The following ADAM12 variants were observed in gnomAD, a reference collection of about 807,000 sequenced individuals.
ADAM12 encodes disintegrin and metalloproteinase domain-containing protein 12.
ADAM12 carries 70 observed loss-of-function variants against 106.4 expected under a neutral mutation model. That is an observed-to-expected ratio of 0.66 (90% CI 0.54 to 0.80). The LOEUF (loss-of-function observed/expected upper bound fraction) is 0.80. Among genes scored for constraint, ADAM12 ranks in the 30% least tolerant of loss-of-function variants. ADAM12 has a pLI of 0.00. For missense variants in ADAM12, 1,010 were observed against 1,171.9 expected, an observed-to-expected ratio of 0.86 and a Z score of 2.02; for synonymous variants, 420 against 433.5, an observed-to-expected ratio of 0.97 and a Z score of 0.39.
intron 2 of ADAM12, among the ~76,000 whole-genome samples, chr10:126,306,060 T>C (rs1960832336): frequency 6.6e-6 from 1 of 152,036 alleles, no homozygotes; most frequent in South Asian, 2.1e-4. Context: ...CTGATAATCC[T>C]TGTTTTTTAA....
intron 1 of ADAM12, among the ~76,000 whole-genome samples, chr10:126,360,945 G>A (rs1220825135): frequency 6.6e-6 from 1 of 152,224 alleles, no homozygotes; most frequent in Non-Finnish European, 1.5e-5. Context: ...CATGGTGGAA[G>A]GCAAGGAAGA....
intron 3 of ADAM12, among the ~76,000 whole-genome samples, chr10:126,233,405 G>A (rs144953293): frequency 1.3e-5 from 2 of 152,160 alleles, no homozygotes; most frequent in African/African-American, 2.4e-5. Flanking sequence ...AGGTCCTGCT[G>A]GGGGAGGAGG....
intron 11 of ADAM12, among the ~76,000 whole-genome samples, chr10:126,077,154 T>C (rs548088634): frequency 2.0e-5 from 3 of 152,116 alleles, no homozygotes; most frequent in Non-Finnish European, 2.9e-5. Flanking sequence ...CCATTTGCAA[T>C]AGTCACACAG....
intron 3 of ADAM12, among the ~76,000 whole-genome samples, chr10:126,166,737 T>C (rs902175243): frequency 2.0e-5 from 3 of 152,184 alleles, no homozygotes; most frequent in Middle Eastern, 3.4e-3. Flanking sequence ...GACCTTGTGA[T>C]CCGCCCGCCT....
chr10:126,156,174 C>A (rs555477503), intron 3 of ADAM12, among the ~76,000 whole-genome samples: 1 of 152,146 alleles, frequency 6.6e-6, no homozygotes, highest in Non-Finnish European at 1.5e-5. Flanking sequence ...GATGACACCA[C>A]GAGCTGGTAG....
chr10:126,066,800 T>C lies in ADAM12; in HGVS notation c.1330A>G (p.Met444Val), dbSNP rs1349264848. Reference sequence around the variant, plus strand: ...GTGGTGGCATTGCAGCAGCGATTCATACATTCCTGGAAAGGGGAATGGCAT... The same window carrying C: ...GTGGTGGCATTGCAGCAGCGATTCACACATTCCTGGAAAGGGGAATGGCAT... ...ECDCGEPEEC[M>V]NRCCNATTCT... Residue 444 changes from methionine to valine, a missense_variant, in exon 13 of 23, where the codon ATG (methionine) becomes GTG (valine). Met to Val is a conservative substitution (Grantham distance 21). Around this residue, in one of 3 missense-constraint regions of ADAM12, gnomAD observed 615 missense variants for 708.5 expected, o/e 0.87. Coordinates refer to ENST00000448723, the MANE Select transcript of ADAM12 (RefSeq NM_001288973.2). This position sits in a 1 kb window ranked among gnomAD's most constrained non-coding sequence, Gnocchi z 5.1. 6.2e-7 allele frequency: 1 copy of C among 1,613,974 alleles called. No homozygotes were observed. Among genetic ancestry groups the C allele is most frequent in the South Asian group, 1.1e-5 (1 of 91,072 alleles).
At chr10:126,231,351 G>C (rs1958306172) in intron 3 of ADAM12, among the ~76,000 whole-genome samples, 1 of 151,162 alleles carries the variant, frequency 6.6e-6, no homozygotes. Flanking sequence ...TGAAATCTTA[G>C]GAGGGAGGAA....
chr10:126,118,091 T>A lies in ADAM12; in HGVS notation c.550A>T (p.Asn184Tyr). ...GSCGSHHNTP[N>Y]LAAKNVFPPP... ...GGAAACACATTCTTTGCAGCGAGGT[T>A]TGGTGTGTTGTGATGTGATCCACAT... Residue 184 changes from asparagine to tyrosine, a missense_variant, in exon 6 of 23, where the codon AAC becomes TAC. Physicochemically the swap from Asn to Tyr is moderately radical, Grantham distance 143. This residue lies in a region of ADAM12 where 391 missense variants were observed against 442.9 expected (regional missense o/e 0.88). Coordinates refer to ENST00000448723, the MANE Select transcript of ADAM12 (RefSeq NM_001288973.2). The A allele has an allele frequency of 6.2e-7, 1 of 1,614,156 alleles. No individual in the cohort carries two copies. Among genetic ancestry groups the A allele is most frequent in the Non-Finnish European group, 8.5e-7 (1 of 1,180,000 alleles).
At chr10:126,085,031 T>C (rs1236069407) in intron 11 of ADAM12, among the ~76,000 whole-genome samples, 1 of 152,250 alleles carries the variant, frequency 6.6e-6, no homozygotes. Context: ...TGCTCACAAC[T>C]GCTTTTAGAT....
intron 1 of ADAM12, among the ~76,000 whole-genome samples, chr10:126,339,439 T>C (rs1854839937): frequency 6.6e-6 from 1 of 152,214 alleles, no homozygotes; most frequent in Non-Finnish European, 1.5e-5. Flanking sequence ...ACTGACTTCT[T>C]TGGCAGAGTC....
rs1207638165 is a variant in ADAM12 at position 126,064,230 on chromosome 10, A to G, written c.1609+576T>C. Among the ~76,000 whole-genome samples, 1 of 152,128 alleles carries G rather than the reference A, an allele frequency of 6.6e-6. No individual in the cohort carries two copies. On this transcript the variant is annotated intron_variant, in intron 14 of 22. Transcript: ENST00000448723. This position sits in a 1 kb window ranked among gnomAD's most constrained non-coding sequence, Gnocchi z 4.4. ...CCACTTTCCCATTTGAGAGCCACTCACTGCTGCTCTCAGGCCTTCTGATTA... is the reference window on the plus strand; with the variant it reads ...CCACTTTCCCATTTGAGAGCCACTCGCTGCTGCTCTCAGGCCTTCTGATTA...
chr10:126,106,775 C>T (rs1321643462), intron 8 of ADAM12, among the ~76,000 whole-genome samples: 3 of 152,242 alleles, frequency 2.0e-5, no homozygotes, highest in Admixed American at 6.5e-5. Context: ...TAAGCCACCG[C>T]GCCCGCTCAG....
intron 3 of ADAM12, among the ~76,000 whole-genome samples, chr10:126,194,326 C>CT (rs1957559573): frequency 6.6e-6 from 1 of 150,404 alleles, no homozygotes; most frequent in African/African-American, 2.4e-5. Flanking sequence ...GTCAGCCCAC[C>CT]TGTGTGCAGA....
chr10:126,191,025 A>G (rs1432492231), intron 3 of ADAM12, among the ~76,000 whole-genome samples: 1 of 119,466 alleles, frequency 8.4e-6, no homozygotes, highest in Non-Finnish European at 1.7e-5. Context: ...TTTTTCAGAC[A>G]GAGTCTTGCT....
chr10:126,155,362 G>A (rs1956796328), intron 3 of ADAM12, 57 bp from the exon 4 acceptor site: 11 of 1,465,706 alleles, frequency 7.5e-6, no homozygotes, highest in East Asian at 2.3e-5. Flanking sequence ...TTGATACATT[G>A]TTGTGAATGT....
At chr10:126,275,367 C>G (rs1287615727) in intron 3 of ADAM12, among the ~76,000 whole-genome samples, 1 of 152,188 alleles carries the variant, frequency 6.6e-6, no homozygotes, top group Non-Finnish European at 1.5e-5. Flanking sequence ...CAAAATGCTT[C>G]TCAGGGGCTA....
intron 2 of ADAM12, among the ~76,000 whole-genome samples, chr10:126,303,688 G>A (rs1010152014): frequency 2.6e-5 from 4 of 152,218 alleles, no homozygotes; most frequent in Admixed American, 1.3e-4. Context: ...TCCTGGCCTA[G>A]CCACAGAGCA....
chr10:126,143,560 TG>T (rs1956564778), intron 4 of ADAM12, among the ~76,000 whole-genome samples: 1 of 137,272 alleles, frequency 7.3e-6, no homozygotes, highest in South Asian at 2.6e-4. Context: ...CGCATGTATA[TG>T]TGGGCACATG....
intron 3 of ADAM12, among the ~76,000 whole-genome samples, chr10:126,264,969 A>C (rs887606412): frequency 1.3e-5 from 2 of 152,232 alleles, no homozygotes; most frequent in African/African-American, 2.4e-5. Flanking sequence ...CCTTTTATCC[A>C]GCACTCTAAA....
Sources: allele counts gnomAD v4.1 joint callset (sites outside exome capture counted in the v4.1 genomes callset), GRCh38; gene constraint gnomAD v4.1.1; regional missense constraint gnomAD v4.1.1; non-coding constraint Gnocchi (gnomAD v3.1); transcripts MANE v1.5; gene names NCBI Gene and HGNC (gene_info 2026-07-23, HGNC 2026-07-21).